ANAPC11: variants seen among roughly 807,000 people sequenced by gnomAD.
ANAPC11 encodes the protein anaphase-promoting complex subunit 11.
ANAPC11 carries 5 observed loss-of-function variants against 11.8 expected under a neutral mutation model. That is an observed-to-expected ratio of 0.42 (90% CI 0.22 to 0.89). The LOEUF (loss-of-function observed/expected upper bound fraction) is 0.89. ANAPC11 is among the 40% of genes least tolerant of loss of function. ANAPC11 has a pLI of 0.28. For synonymous variants in ANAPC11, 45 were observed against 41.0 expected (o/e 1.10, Z -0.38); for missense variants, 68 against 112.9 (o/e 0.60, Z 1.80).
upstream of ANAPC11, chr17:81,890,878 A>C: frequency 6.2e-7 from 1 of 1,610,998 alleles, no homozygotes; most frequent in Non-Finnish European, 8.5e-7. Flanking sequence ...GGCTTTCCTG[A>C]CCCTCACGGC....
intron 3 of ANAPC11, chr17:81,899,582 G>A: frequency 6.3e-7 from 1 of 1,592,182 alleles, no homozygotes; most frequent in Non-Finnish European, 8.6e-7. Flanking sequence ...AAGCACAGGG[G>A]ACACAGGGTG....
At chr17:81,897,723 A>C (rs1406824972) in intron 3 of ANAPC11, among the ~76,000 whole-genome samples, 2 of 152,056 alleles carry the variant, frequency 1.3e-5, no homozygotes, top group Non-Finnish European at 2.9e-5. Context: ...GGCTCAAGGG[A>C]TCTGCCTGCC....
At chr17:81,892,455 C>G (rs1202237775) in intron 1 of ANAPC11, among the ~76,000 whole-genome samples, 1 of 151,390 alleles carries the variant, frequency 6.6e-6, no homozygotes, top group African/African-American at 2.4e-5. Context: ...GGCGACAGAG[C>G]CAGACCCTGT....
In ANAPC11 at chr17:81,894,273, A is replaced by C. The variant is rs557305742; in HGVS notation, c.-11-194A>C. ...AAAAAAAAAAATTAATAAAAATAAA[A>C]GTAAAATAAAATAGAAACAGGGCTC... On this transcript the variant is annotated intron_variant, in intron 2 of 3. Coordinates refer to ENST00000344877, the MANE Select transcript of ANAPC11 (RefSeq NM_001002248.3). 1.3e-5 allele frequency: 5 copies of C among 387,002 alleles called. No individual in the cohort carries two copies. In the Admixed American group the frequency reaches 2.2e-4, roughly 17 times the overall value. The allele number at this position is 387,002 out of a possible 1,614,324, so 24.0% of individuals were successfully genotyped here.
upstream of ANAPC11, chr17:81,891,356 T>C: frequency 1.7e-6 from 2 of 1,150,686 alleles, no homozygotes; most frequent in Admixed American, 4.5e-5. Context: ...TCCTGCCGCC[T>C]CCGCCGGCCG....
At chr17:81,896,551 A>G (rs2039749739) in intron 3 of ANAPC11, among the ~76,000 whole-genome samples, 1 of 152,216 alleles carries the variant, frequency 6.6e-6, no homozygotes, top group African/African-American at 2.4e-5. Context: ...GGTTTTGCCC[A>G]GGGAGGACAA....
At chr17:81,897,018 C>T (rs748864798) in intron 3 of ANAPC11, among the ~76,000 whole-genome samples, 15 of 151,330 alleles carry the variant, frequency 9.9e-5, no homozygotes, top group South Asian at 4.2e-4. Context: ...TATTTATTTT[C>T]GAGACAGAGT....
intron 3 of ANAPC11, chr17:81,898,488 G>A (rs1232234240): frequency 1.3e-5 from 2 of 152,282 alleles, no homozygotes; most frequent in Admixed American, 1.3e-4. Flanking sequence ...AGACTCAGGA[G>A]TTGAGAGTCT....
At chr17:81,895,373 TGAA>T (rs2143546539) in intron 3 of ANAPC11, among the ~76,000 whole-genome samples, 1 of 152,130 alleles carries the variant, frequency 6.6e-6, no homozygotes, top group African/African-American at 2.4e-5. Context: ...TTTCATCTCA[TGAA>T]GAAAAGTTGA....
At position 81,894,640 on chromosome 17, in the gene ANAPC11, G is replaced by GTGCTGTC; in HGVS notation, c.109+60_109+66dup. 4 of 1,252,480 alleles carry GTGCTGTC rather than the reference G, an allele frequency of 3.2e-6. No homozygotes were observed. The Middle Eastern group carries it at 5.7e-4, about 179-fold the overall frequency. The allele number at this position is 1,252,480 out of a possible 1,614,324, so 77.6% of individuals were successfully genotyped here. A position where few individuals can be genotyped will look rare whatever the true frequency, so the allele number is the denominator to read the frequency against. Reference sequence around the variant, plus strand: ...GGCCCCGACTGTGAGTGTCCCCTCTGTGCTGTCTGCTGCCTGCTGGACTAG... The same window carrying GTGCTGTC: ...GGCCCCGACTGTGAGTGTCCCCTCTGTGCTGTCTGCTGTCTGCTGCCTGCTGGACTAG... On this transcript the variant is annotated intron_variant, in intron 3 of 3. Transcript: ENST00000344877.
In ANAPC11 at chr17:81,900,055, T is replaced by A. The variant is rs777961227; in HGVS notation, c.245T>A (p.Phe82Tyr). 1 of 1,612,704 alleles carries A rather than the reference T, an allele frequency of 6.2e-7. No individual in the cohort carries two copies. Among genetic ancestry groups the A allele is most frequent in the South Asian group, 1.1e-5 (1 of 90,974 alleles). Residue 82 changes from phenylalanine (F) to tyrosine (Y), a missense_variant, in exon 4 of 4, where the codon TTC becomes TAC. Physicochemically the swap from Phe to Tyr is conservative, Grantham distance 22 (BLOSUM62 3). Transcript: ENST00000344877. ...CCCATGTGCCGCCAGGAATGGAAGT[T>A]CAAGGAGTGAGGCCCGACCTGGCTC... ...HCPMCRQEWK[F>Y]KE
At chr17:81,892,506 C>T (rs548194949) in intron 1 of ANAPC11, among the ~76,000 whole-genome samples, 80 of 150,836 alleles carry the variant, frequency 5.3e-4, no homozygotes, top group Non-Finnish European at 1.0e-3. Flanking sequence ...TAATGAAAAC[C>T]AGTGTGCCAT....
At chr17:81,900,475 A>C, downstream of ANAPC11, 1 of 233,508 alleles carries the variant, frequency 4.3e-6, no homozygotes, top group Non-Finnish European at 8.4e-6. Flanking sequence ...CGGCCCTGGG[A>C]CCCTCCCTCA....
At chr17:81,891,644 T>C, upstream of ANAPC11, 1 of 1,294,536 alleles carries the variant, frequency 7.7e-7, no homozygotes, top group Non-Finnish European at 9.9e-7. Context: ...GGCCTTCCGG[T>C]GCCACGGCCT....
intron 3 of ANAPC11, chr17:81,898,231 G>A (rs970495821): frequency 2.6e-5 from 4 of 152,290 alleles, no homozygotes; most frequent in African/African-American, 9.6e-5. Context: ...CGAACCATGT[G>A]TCCACACCTC....
chr17:81,895,615 C>CA (rs1424622760), intron 3 of ANAPC11, among the ~76,000 whole-genome samples: 1 of 152,024 alleles, frequency 6.6e-6, no homozygotes, highest in Non-Finnish European at 1.5e-5. Context: ...TGGAGGCCGG[C>CA]ACGGTGGCTC....
chr17:81,892,650 G>A (rs896880210), intron 1 of ANAPC11, among the ~76,000 whole-genome samples: 1 of 149,532 alleles, frequency 6.7e-6, no homozygotes, highest in Non-Finnish European at 1.5e-5. Flanking sequence ...AGCCTCCCGA[G>A]TAGCTGGGAC....
Position 81,891,732 on chromosome 17 carries a change from G to C in ANAPC11, c.-184G>C. On this transcript the variant is annotated 5_prime_UTR_variant, in exon 1 of 4. Coordinates refer to ENST00000344877, the MANE Select transcript of ANAPC11 (RefSeq NM_001002248.3). ...TGAGGCGGGGAGGCGCGTGCGCACT[G>C]GCGTGCGAGACTCGGCGGGCGCTGT... 1.7e-6 allele frequency: 1 copy of C among 603,388 alleles called. No homozygotes were observed. The highest frequency in any genetic ancestry group is 6.4e-5 in the East Asian group (1 of 15,650). The allele number at this position is 603,388 out of a possible 1,614,324, so 37.4% of individuals were successfully genotyped here. A position where few individuals can be genotyped will look rare whatever the true frequency, so the allele number is the denominator to read the frequency against.
chr17:81,890,895 G>T, upstream of ANAPC11: 1 of 1,594,704 alleles, frequency 6.3e-7, no homozygotes, highest in Non-Finnish European at 8.6e-7. Context: ...CGGCTACTCC[G>T]GACCCTTCCT....
Sources: allele counts gnomAD v4.1 joint callset (sites outside exome capture counted in the v4.1 genomes callset), GRCh38; gene constraint gnomAD v4.1.1; transcripts MANE v1.5; gene names NCBI Gene and HGNC (gene_info 2026-07-23, HGNC 2026-07-21).